MEI1: variants seen among roughly 807,000 people sequenced by gnomAD.
MEI1 encodes the protein meiotic double-stranded break formation protein 1.
A neutral mutation model predicts 146.2 loss-of-function variants in MEI1; 103 were observed. That is an observed-to-expected ratio of 0.70 (90% CI 0.60 to 0.83). The LOEUF is 0.83. Ranked by LOEUF, MEI1 falls within the 40% of genes least tolerant of loss-of-function variation. The probability of loss-of-function intolerance (pLI) is 0.00; values close to 1 mark genes in which losing one functional copy is unlikely to be tolerated. For missense variants in MEI1, 1,529 were observed against 1,533.0 expected (o/e 1.00, Z 0.04); for synonymous variants, 652 against 628.2 (o/e 1.04, Z -0.57).
chr22:41,767,598 G>C (rs1208842882), intron 19 of MEI1: 1 of 455,924 alleles, frequency 2.2e-6, no homozygotes. Context: ...AGTTTGATCA[G>C]CATTTCCTAA....
intron 18 of MEI1, among the ~76,000 whole-genome samples, chr22:41,761,319 G>GTTT (rs369088821): frequency 8.3e-6 from 1 of 120,964 alleles, no homozygotes; most frequent in Non-Finnish European, 1.7e-5. Flanking sequence ...TTTTTTTTTT[G>GTTT]TTTTTTTTTT....
chr22:41,737,024 A>G (rs951824628), intron 11 of MEI1, among the ~76,000 whole-genome samples: 1 of 152,176 alleles, frequency 6.6e-6, no homozygotes, highest in Non-Finnish European at 1.5e-5. Flanking sequence ...GTACTCAGTC[A>G]CTTCTTGTTC....
At chr22:41,747,698 C>T (rs573394726) in intron 14 of MEI1, among the ~76,000 whole-genome samples, 12 of 151,106 alleles carry the variant, frequency 7.9e-5, no homozygotes, top group African/African-American at 2.4e-4. Flanking sequence ...AGCAAGACTC[C>T]GTCTCAAAGA....
chr22:41,754,005 T>G lies in MEI1; in HGVS notation c.1910T>G (p.Leu637Arg), dbSNP rs1342043422. 3.1e-6 allele frequency: 5 copies of G among 1,613,664 alleles called. No individual in the cohort carries two copies. The highest frequency in any genetic ancestry group is 4.2e-6 in the Non-Finnish European group (5 of 1,179,726). The change falls in exon 17 of 31, where the codon CTT becomes CGT. Residue 637 changes from leucine to arginine, a missense_variant. By Grantham distance (102) the Leu-to-Arg change is moderately radical. Coordinates refer to ENST00000401548, the MANE Select transcript of MEI1 (RefSeq NM_152513.4). ...TTCCTCTACTATATGTGCCTCAACC[T>G]TCTCTCAGCTCCAGAGAAGACAGGA... is the stretch of plus-strand genomic sequence containing the variant. ...SNFLYYMCLN[L>R]LSAPEKTGPP...
chr22:41,740,177 G>A (rs1459671571), intron 11 of MEI1, among the ~76,000 whole-genome samples: 2 of 151,816 alleles, frequency 1.3e-5, no homozygotes, highest in South Asian at 2.1e-4. Context: ...CCGCCACCAC[G>A]CCTGGATACT....
chr22:41,797,572 A>G (rs1375487902), intron 30 of MEI1, among the ~76,000 whole-genome samples: 2 of 152,140 alleles, frequency 1.3e-5, no homozygotes, highest in African/African-American at 4.8e-5. Flanking sequence ...AGATTGCACC[A>G]CTGCACTCCA....
intron 1 of MEI1, among the ~76,000 whole-genome samples, chr22:41,701,018 C>A (rs1172564777): frequency 6.6e-6 from 1 of 151,462 alleles, no homozygotes; most frequent in African/African-American, 2.4e-5. Context: ...CAGCTCACCG[C>A]AACCTCCGCC....
chr22:41,781,976 A>G, intron 24 of MEI1, 131 bp downstream of exon 24: 1 of 992,204 alleles, frequency 1.0e-6, no homozygotes. Flanking sequence ...ACCCTTTCTG[A>G]GCTCAGTTTC....
chr22:41,732,694 A>G, intron 11 of MEI1, 91 bp downstream of exon 11: 2 of 1,329,942 alleles, frequency 1.5e-6, no homozygotes, highest in Non-Finnish European at 2.0e-6. Context: ...GTATCCCTAG[A>G]TTACTTATAA....
chr22:41,745,316 A>G (rs1394726089), intron 13 of MEI1, among the ~76,000 whole-genome samples: 1 of 151,996 alleles, frequency 6.6e-6, no homozygotes, highest in Non-Finnish European at 1.5e-5. Context: ...TGTCTTATTC[A>G]CCTTCGTTCC....
intron 11 of MEI1, among the ~76,000 whole-genome samples, chr22:41,736,987 A>G (rs2072429436): frequency 6.6e-6 from 1 of 152,188 alleles, no homozygotes; most frequent in African/African-American, 2.4e-5. Flanking sequence ...CTAAAGAATT[A>G]GATTTGGGTC....
At chr22:41,751,570 C>T (rs988923957) in intron 15 of MEI1, among the ~76,000 whole-genome samples, 4 of 150,286 alleles carry the variant, frequency 2.7e-5, no homozygotes, top group African/African-American at 7.3e-5. Context: ...ACCTGAGGTC[C>T]GATACCAGCC....
chr22:41,789,784 G>T (rs1046299316), intron 26 of MEI1, among the ~76,000 whole-genome samples: 1 of 152,182 alleles, frequency 6.6e-6, no homozygotes, highest in Non-Finnish European at 1.5e-5. Flanking sequence ...CCTGGGAAGG[G>T]GAACCCAACC....
chr22:41,712,203 T>C (rs866034681), intron 3 of MEI1, among the ~76,000 whole-genome samples: 1 of 1,578 alleles, frequency 6.3e-4, no homozygotes, highest in Non-Finnish European at 1.3e-3. Context: ...AAACTCCGGC[T>C]CAAAAAAAAA....
chr22:41,776,322 G>A lies in MEI1; in HGVS notation c.2710+55G>A, dbSNP rs149493424. The A allele has an allele frequency of 2.3e-4, 372 of 1,584,248 alleles. 2 individuals carry two copies. The East Asian group carries it at 7.2e-3, about 31-fold the overall frequency. On this transcript the variant is annotated intron_variant, in intron 21 of 30. Transcript: ENST00000401548. ...TGACCTGAAAGCCAGTCGAGAATGG[G>A]CATCTCTACCCTTGTTAGGTCTGCT...
In MEI1 at chr22:41,785,861, G is replaced by C. The variant is rs986161937; in HGVS notation, c.3345+1078G>C. Among the ~76,000 whole-genome samples the C allele has an allele frequency of 2.0e-5, 3 of 150,050 alleles. No individual in the cohort carries two copies. The East Asian group carries it at 5.9e-4, about 30-fold the overall frequency. ...TTACAGGAATGAGCCACCACACCCG[G>C]CCTATTTTTATTTTTTTATTTTTTT... On this transcript the variant is annotated intron_variant, in intron 26 of 30. Transcript: ENST00000401548.
intron 26 of MEI1, among the ~76,000 whole-genome samples, chr22:41,787,920 C>T (rs1410166114): frequency 6.6e-6 from 1 of 152,168 alleles, no homozygotes; most frequent in African/African-American, 2.4e-5. Context: ...GTCCAAAATC[C>T]GAAATGCCCA....
intron 30 of MEI1, among the ~76,000 whole-genome samples, chr22:41,796,119 T>C (rs937858763): frequency 2.0e-5 from 3 of 152,116 alleles, no homozygotes; most frequent in African/African-American, 7.2e-5. Context: ...ACAACAACAA[T>C]GCCGTGTCCT....
chr22:41,713,858 T>C, intron 3 of MEI1, 144 bp from the exon 4 acceptor site: 2 of 670,256 alleles, frequency 3.0e-6, no homozygotes, highest in South Asian at 2.0e-5. Flanking sequence ...TGTGCACACA[T>C]AGTTAAATGG....
Sources: gnomAD v4.1 joint callset for allele counts (sites outside exome capture counted in the v4.1 genomes callset) on GRCh38, gnomAD v4.1.1 for gene constraint, MANE v1.5 for transcripts, NCBI Gene and HGNC (gene_info 2026-07-23, HGNC 2026-07-21) for gene names.